CSF1R: variants seen among roughly 807,000 people sequenced by gnomAD.
The protein encoded by CSF1R is macrophage colony-stimulating factor 1 receptor.
Under a neutral mutation model 110.0 loss-of-function variants are expected in CSF1R, and 40 were observed. The ratio of observed to expected loss-of-function variants is 0.36; its 90% CI spans 0.28 to 0.47. The LOEUF is 0.47. CSF1R is among the 20% of genes least tolerant of loss of function. The pLI is 0.99. For synonymous variants in CSF1R, 523 were observed against 503.4 expected (o/e 1.04, Z -0.52); for missense variants, 1,052 against 1,253.0 (o/e 0.84, Z 2.42).
At chr5:150,088,746 C>A (rs139264087), upstream of CSF1R, among the ~76,000 whole-genome samples, 662 of 152,248 alleles carry the variant, frequency 4.3e-3, 18 homozygotes, top group East Asian at 0.064. Context: ...GTTGGCCAGG[C>A]TAGTCTTGAA....
intron 18 of CSF1R, 131 bp from the exon 19 acceptor site, chr5:150,055,467 G>T: frequency 1.4e-6 from 1 of 740,496 alleles, no homozygotes; most frequent in Non-Finnish European, 2.3e-6. Flanking sequence ...ACTCTTACCC[G>T]GTGCTTCCTG....
intron 5 of CSF1R, among the ~76,000 whole-genome samples, chr5:150,074,879 C>G (rs762680): frequency 0.42 from 64,472 of 151,992 alleles, 15,310 homozygotes; most frequent in Non-Finnish European, 0.52. Context: ...ATCTGGGTCT[C>G]CTAACATCCC....
intron 1 of CSF1R, among the ~76,000 whole-genome samples, chr5:150,107,826 A>G (rs529659793): frequency 1.3e-5 from 2 of 152,378 alleles, no homozygotes; most frequent in African/African-American, 4.8e-5. Flanking sequence ...ACTCAGATCC[A>G]GTGAGACAAT....
intron 12 of CSF1R, 35 bp downstream of exon 12, chr5:150,061,456 C>A: frequency 1.9e-6 from 2 of 1,036,406 alleles, no homozygotes; most frequent in Admixed American, 2.1e-5. Context: ...ATCTACCACC[C>A]CCCATCCCTT....
chr5:150,060,552 G>A (rs912483698), intron 13 of CSF1R, among the ~76,000 whole-genome samples: 1 of 151,954 alleles, frequency 6.6e-6, no homozygotes, highest in Non-Finnish European at 1.5e-5. Context: ...AGAGGTAGGC[G>A]GGGGGCTTCA....
intron 1 of CSF1R, among the ~76,000 whole-genome samples, chr5:150,110,970 A>G (rs1285952314): frequency 6.6e-6 from 1 of 151,818 alleles, no homozygotes; most frequent in Non-Finnish European, 1.5e-5. Flanking sequence ...TGCTAATTAC[A>G]TAGAAGCCAC....
At chr5:150,104,453 G>A (rs187336702) in intron 1 of CSF1R, among the ~76,000 whole-genome samples, 1 of 152,344 alleles carries the variant, frequency 6.6e-6, no homozygotes, top group East Asian at 1.9e-4. Context: ...AGATGGGCAG[G>A]TATCCTTATT....
chr5:150,078,377 G>GTCCCAGGTAGGTCCAGTT, intron 3 of CSF1R, 129 bp from the exon 4 acceptor site: 1 of 1,239,748 alleles, frequency 8.1e-7, no homozygotes, highest in Non-Finnish European at 1.1e-6. Flanking sequence ...CAAATCCTGG[G>GTCCCAGGTAGGTCCAGTT]AGGCAGCCTT....
At chr5:150,094,279 AG>A in intron 1 of CSF1R, 4 of 1,446,776 alleles carry the variant, frequency 2.8e-6, no homozygotes, top group South Asian at 1.2e-5. Flanking sequence ...ACAGAGCTTC[AG>A]TTTTTTTTTC....
chr5:150,085,378 G>A (rs565722768), intron 1 of CSF1R, among the ~76,000 whole-genome samples: 1 of 151,290 alleles, frequency 6.6e-6, no homozygotes, highest in South Asian at 2.1e-4. Context: ...GACCAGAAGC[G>A]CCACGGCCTT....
Position 150,059,710 on chromosome 5 carries a change from A to G in CSF1R, c.2122T>C (p.Tyr708His), listed in dbSNP as rs1395424663. 1 of 1,613,510 alleles carries G rather than the reference A, an allele frequency of 6.2e-7. No homozygotes were observed. Among genetic ancestry groups the G allele is most frequent in the African/African-American group, 1.3e-5 (1 of 74,824 alleles). ...DYKNIHLEKK[Y>H]VRRDSGFSSQ... is the part of the protein sequence containing the mutation. ...TTTGCCAGGGGCTACCTGCGGACAT[A>G]TTTCTTCTCGAGGTGGATGTTCTTA... Residue 708 changes from tyrosine to histidine, a missense_variant, in exon 14 of 21, where the codon TAT becomes CAT. Coordinates refer to ENST00000675795, the MANE Select transcript of CSF1R (RefSeq NM_001288705.3).
At chr5:150,083,978 A>G (rs1167958129) in intron 1 of CSF1R, among the ~76,000 whole-genome samples, 1 of 152,120 alleles carries the variant, frequency 6.6e-6, no homozygotes, top group African/African-American at 2.4e-5. Context: ...CAGACCACAG[A>G]ATGTTTTTGT....
At chr5:150,109,058 G>GCCGCCCCCCCCCCC (rs200128753) in intron 1 of CSF1R, among the ~76,000 whole-genome samples, 1 of 119,738 alleles carries the variant, frequency 8.4e-6, no homozygotes, top group African/African-American at 3.2e-5. Context: ...GGAGAAGCCC[G>GCCGCCCCCCCCCCC]CCCCCCCCCC....
chr5:150,063,470 T>C (rs190152957), intron 10 of CSF1R, among the ~76,000 whole-genome samples: 3 of 152,180 alleles, frequency 2.0e-5, no homozygotes, highest in Non-Finnish European at 4.4e-5. Context: ...CCTTGGCCTC[T>C]CAAAGTGCTG....
At chr5:150,077,965 G>T in intron 4 of CSF1R, 147 bp downstream of exon 4, 3 of 931,436 alleles carry the variant, frequency 3.2e-6, no homozygotes, top group Non-Finnish European at 4.8e-6. Flanking sequence ...GTGAGATCTC[G>T]GGTGAGTCTG....
chr5:150,106,480 G>T (rs1561968211), intron 1 of CSF1R, among the ~76,000 whole-genome samples: 1 of 152,074 alleles, frequency 6.6e-6, no homozygotes, highest in Non-Finnish European at 1.5e-5. Context: ...CCAGAGAGTG[G>T]AGTGGGCCCA....
At chr5:150,068,482 CT>C in intron 9 of CSF1R, 152 bp from the exon 10 acceptor site, 2 of 573,500 alleles carry the variant, frequency 3.5e-6, no homozygotes, top group Non-Finnish European at 6.2e-6. Context: ...GGAGCCTCTC[CT>C]GCACACCCTC....
chr5:150,069,768 A>C, intron 9 of CSF1R, 105 bp downstream of exon 9: 2 of 1,136,170 alleles, frequency 1.8e-6, no homozygotes, highest in Non-Finnish European at 2.4e-6. Context: ...CCAAAGGTGG[A>C]GCCAACCCCA....
At chr5:150,089,930 T>C (rs1581337586), upstream of CSF1R, among the ~76,000 whole-genome samples, 1 of 152,196 alleles carries the variant, frequency 6.6e-6, no homozygotes, top group East Asian at 1.9e-4. Flanking sequence ...CAATGGAGAA[T>C]GACCAGTTTT....
Sources: gnomAD v4.1 joint callset for allele counts (sites outside exome capture counted in the v4.1 genomes callset) on GRCh38, gnomAD v4.1.1 for gene constraint, MANE v1.5 for transcripts, NCBI Gene and HGNC (gene_info 2026-07-23, HGNC 2026-07-21) for gene names.